Variants in RAD51B observed in about 807,000 individuals in gnomAD.
RAD51B encodes RAD51 paralog B, also known as DNA repair protein RAD51 homolog 2.
Under a neutral mutation model 42.2 loss-of-function variants are expected in RAD51B, and 38 were observed. The ratio of observed to expected loss-of-function variants is 0.90; its 90% CI spans 0.70 to 1.18. The LOEUF is 1.18. RAD51B is among the 50% of genes most tolerant of loss of function. The probability of loss-of-function intolerance (pLI) is 0.00; values close to 1 mark genes in which losing one functional copy is unlikely to be tolerated. For synonymous variants in RAD51B, 154 were observed against 145.2 expected (o/e 1.06, Z -0.43); for missense variants, 373 against 400.7 (o/e 0.93, Z 0.59).
intron 10 of RAD51B, chr14:68,470,570 G>A (rs368576186): frequency 5.0e-5 from 25 of 504,874 alleles, no homozygotes; most frequent in East Asian, 3.6e-4. Flanking sequence ...GAAAACTGTC[G>A]CAACCCATTG....
chr14:67,958,393 G>A (rs2074593756), intron 7 of RAD51B, among the ~76,000 whole-genome samples: 1 of 151,998 alleles, frequency 6.6e-6, no homozygotes, highest in Non-Finnish European at 1.5e-5. Context: ...TTGCAAACAC[G>A]GCTATATGAG....
chr14:68,406,257 A>G (rs1469158837), intron 8 of RAD51B, among the ~76,000 whole-genome samples: 2 of 152,170 alleles, frequency 1.3e-5, no homozygotes, highest in Non-Finnish European at 2.9e-5. Context: ...TCATTAAGCA[A>G]TTTTGACATT....
intron 4 of RAD51B, among the ~76,000 whole-genome samples, chr14:67,852,799 C>T (rs1369631058): frequency 6.6e-6 from 1 of 151,184 alleles, no homozygotes; most frequent in Non-Finnish European, 1.5e-5. Context: ...AAAAAAAAAA[C>T]TTTATGACCA....
intron 9 of RAD51B, among the ~76,000 whole-genome samples, chr14:68,443,502 A>T (rs1033079800): frequency 6.6e-6 from 1 of 152,212 alleles, no homozygotes; most frequent in Non-Finnish European, 1.5e-5. Flanking sequence ...GACCAAAAAA[A>T]TTCAGATGCT....
At chr14:68,464,297 A>G (rs545026025) in intron 9 of RAD51B, among the ~76,000 whole-genome samples, 64 of 152,326 alleles carry the variant, frequency 4.2e-4, no homozygotes, top group Non-Finnish European at 7.9e-4. Context: ...GTGAGATCTC[A>G]TGATACTCTA....
chr14:68,605,496 C>T (rs1366358766), intron 10 of RAD51B, among the ~76,000 whole-genome samples: 2 of 152,226 alleles, frequency 1.3e-5, no homozygotes, highest in South Asian at 4.1e-4. Context: ...AACTAAAACC[C>T]GACTGGCTAA....
intron 7 of RAD51B, among the ~76,000 whole-genome samples, chr14:68,151,741 G>A (rs1311053167): frequency 1.4e-5 from 2 of 148,090 alleles, no homozygotes; most frequent in East Asian, 3.9e-4. Flanking sequence ...CTCAGACATT[G>A]TAGTGTTTAC....
At chr14:68,567,070 C>T (rs769149343) in intron 10 of RAD51B, among the ~76,000 whole-genome samples, 4 of 152,096 alleles carry the variant, frequency 2.6e-5, no homozygotes, top group Non-Finnish European at 5.9e-5. Flanking sequence ...AAGGCCGAGG[C>T]GGGTGGATCA....
rs145932123 is a variant in RAD51B, at chr14:68,221,177, A to T, written c.757-70707A>T. ...CATTAAAATACCACCAACATTCTTC[A>T]CAGAACTAGAAAAAACAATCCTGAA... is the stretch of plus-strand genomic sequence containing the variant. On this transcript the variant is annotated intron_variant, in intron 7 of 10. Coordinates refer to ENST00000471583, the MANE Select transcript of RAD51B (RefSeq NM_133510.4). Among the ~76,000 whole-genome samples, 575 of 152,284 alleles carry T rather than the reference A, an allele frequency of 3.8e-3. 3 individuals carry two copies. The highest frequency in any genetic ancestry group is 0.014 in the East Asian group (71 of 5,188).
At chr14:68,670,907 C>T (rs887984229) in intron 11 of RAD51B, among the ~76,000 whole-genome samples, 5 of 152,156 alleles carry the variant, frequency 3.3e-5, no homozygotes, top group African/African-American at 9.7e-5. Context: ...CTAGCCAAGG[C>T]GAGCCAAGCC....
chr14:68,518,897 T>A (rs1162581970), intron 10 of RAD51B, among the ~76,000 whole-genome samples: 6 of 151,960 alleles, frequency 3.9e-5, no homozygotes, highest in South Asian at 2.1e-4. Context: ...GGAAAAAAAA[T>A]TAGGGGATGT....
intron 7 of RAD51B, among the ~76,000 whole-genome samples, chr14:68,197,229 T>C (rs1454929505): frequency 6.6e-6 from 1 of 152,232 alleles, no homozygotes; most frequent in African/African-American, 2.4e-5. Flanking sequence ...ATCACTCTTC[T>C]GATTTCTATC....
At chr14:67,926,558 CTTTTTTTT>C (rs534207569) in intron 7 of RAD51B, among the ~76,000 whole-genome samples, 118 of 85,130 alleles carry the variant, frequency 1.4e-3, no homozygotes, top group African/African-American at 5.3e-3. Context: ...GATATGTTTC[CTTTTTTTT>C]TTTTTTTTTT....
At chr14:67,989,996 T>G (rs2075267219) in intron 7 of RAD51B, among the ~76,000 whole-genome samples, 2 of 80,362 alleles carry the variant, frequency 2.5e-5, no homozygotes, top group South Asian at 3.5e-4. Flanking sequence ...TTTAACATCT[T>G]TTTTTTTTTT....
intron 10 of RAD51B, among the ~76,000 whole-genome samples, chr14:68,548,500 C>T (rs1280839805): frequency 6.6e-6 from 1 of 152,200 alleles, no homozygotes; most frequent in African/African-American, 2.4e-5. Flanking sequence ...TGATTTACTC[C>T]GCAGGAGCTG....
chr14:68,561,821 T>C (rs2842326), intron 10 of RAD51B, among the ~76,000 whole-genome samples: 147,051 of 152,262 alleles, frequency 0.97, 71,218 homozygotes, highest in East Asian at 1. Context: ...ATACCGGCTT[T>C]AGAGTCACAC....
At position 67,923,093 on chromosome 14, in the gene RAD51B, TC is replaced by T. The variant is rs907996876; in HGVS notation, c.756+35892del. 2.4e-4 allele frequency among the ~76,000 whole-genome samples: 36 copies of T among 152,232 alleles called. 1 individual carries two copies. Among genetic ancestry groups the T allele is most frequent in the African/African-American group, 8.7e-4 (36 of 41,552 alleles). ...TGCCTCTGAGTCCTCATAGCTTAGC[TC>T]CCACCTGTAAGTAAGAACATACAAC... On this transcript the variant is annotated intron_variant, in intron 7 of 10. Coordinates refer to ENST00000471583, the MANE Select transcript of RAD51B (RefSeq NM_133510.4).
At chr14:68,671,026 C>T (rs979248942) in intron 11 of RAD51B, among the ~76,000 whole-genome samples, 5 of 152,314 alleles carry the variant, frequency 3.3e-5, no homozygotes, top group African/African-American at 9.6e-5. Context: ...GCTGGCCCCC[C>T]CAAGATGGTA....
intron 10 of RAD51B, among the ~76,000 whole-genome samples, chr14:68,624,704 AG>A (rs1892033424): frequency 6.6e-6 from 1 of 152,176 alleles, no homozygotes; most frequent in Non-Finnish European, 1.5e-5. Flanking sequence ...TGGGCAGTTC[AG>A]GAAAGTCAGA....
Sources: gnomAD v4.1 joint callset for allele counts (sites outside exome capture counted in the v4.1 genomes callset) on GRCh38, gnomAD v4.1.1 for gene constraint, MANE v1.5 for transcripts, NCBI Gene and HGNC (gene_info 2026-07-23, HGNC 2026-07-21) for gene names.